ORC4: variants seen among roughly 807,000 people sequenced by gnomAD.
ORC4 encodes the protein origin recognition complex, subunit 4 homolog.
Under a neutral mutation model 63.9 loss-of-function variants are expected in ORC4, and 55 were observed. The ratio of observed to expected loss-of-function variants is 0.86; its 90% CI spans 0.69 to 1.08. The LOEUF (loss-of-function observed/expected upper bound fraction) is 1.08. Ranked by LOEUF, ORC4 falls within the 50% of genes least tolerant of loss-of-function variation. The probability of loss-of-function intolerance (pLI) is 0.00; values close to 1 mark genes in which losing one functional copy is unlikely to be tolerated. For synonymous variants in ORC4, 150 were observed against 168.5 expected (o/e 0.89, Z 0.85); for missense variants, 511 against 504.4 (o/e 1.01, Z -0.13).
intron 1 of ORC4, among the ~76,000 whole-genome samples, chr2:147,997,147 A>G (rs1383727327): frequency 2.6e-5 from 4 of 152,174 alleles, no homozygotes; most frequent in Non-Finnish European, 5.9e-5. Context: ...AGCCAATCTG[A>G]AGAGACTACC....
intron 1 of ORC4, among the ~76,000 whole-genome samples, chr2:148,000,335 G>A (rs1202707363): frequency 3.3e-5 from 5 of 152,052 alleles, no homozygotes; most frequent in South Asian, 2.1e-4. Flanking sequence ...AAATGAGATC[G>A]TATAATCTTC....
At chr2:147,991,564 C>T (rs1691609449) in intron 1 of ORC4, among the ~76,000 whole-genome samples, 1 of 152,042 alleles carries the variant, frequency 6.6e-6, no homozygotes, top group Non-Finnish European at 1.5e-5. Flanking sequence ...CATGGTGGCT[C>T]ACACCTGTAA....
At chr2:148,004,518 G>A (rs1692504901) in intron 1 of ORC4, among the ~76,000 whole-genome samples, 1 of 152,232 alleles carries the variant, frequency 6.6e-6, no homozygotes, top group South Asian at 2.1e-4. Context: ...AATTGGGAAA[G>A]GATTCCCTCC....
At chr2:147,943,820 T>C (rs150444270) in intron 9 of ORC4, among the ~76,000 whole-genome samples, 2 of 152,154 alleles carry the variant, frequency 1.3e-5, no homozygotes, top group African/African-American at 4.8e-5. Flanking sequence ...ACTAGTGAAA[T>C]GAACAAAATG....
chr2:147,983,987 C>A (rs1474289795), intron 1 of ORC4, among the ~76,000 whole-genome samples: 18 of 152,170 alleles, frequency 1.2e-4, no homozygotes, highest in Non-Finnish European at 5.9e-5. Context: ...GACAATCTGG[C>A]AGAACGGTTC....
At chr2:147,957,922 C>T (rs1161598454) in intron 6 of ORC4, among the ~76,000 whole-genome samples, 2 of 152,142 alleles carry the variant, frequency 1.3e-5, no homozygotes, top group African/African-American at 2.4e-5. Context: ...CTACTATACA[C>T]AGGCTACTCA....
chr2:147,936,076 T>C (rs1249644392), intron 13 of ORC4, among the ~76,000 whole-genome samples: 3 of 152,198 alleles, frequency 2.0e-5, no homozygotes, highest in Admixed American at 6.6e-5. Flanking sequence ...ATCAATTCCC[T>C]AGGCTACTCA....
intron 4 of ORC4, among the ~76,000 whole-genome samples, chr2:147,968,363 G>C (rs1347630075): frequency 6.6e-6 from 1 of 151,992 alleles, no homozygotes; most frequent in Non-Finnish European, 1.5e-5. Context: ...ACAATCTACA[G>C]AATAAATGAA....
intron 1 of ORC4, among the ~76,000 whole-genome samples, chr2:148,008,546 C>T (rs928123160): frequency 6.6e-6 from 1 of 152,098 alleles, no homozygotes; most frequent in African/African-American, 2.4e-5. Flanking sequence ...CAACCTTTTT[C>T]GATTACCTAC....
chr2:148,011,737 T>C (rs1692980470), intron 1 of ORC4, among the ~76,000 whole-genome samples: 2 of 152,134 alleles, frequency 1.3e-5, no homozygotes, highest in South Asian at 4.1e-4. Context: ...CAAACGACTA[T>C]TAGAACTAAT....
At position 147,973,445 on chromosome 2, in the gene ORC4, T is replaced by C. The variant is rs752645256; in HGVS notation, c.134+3A>G. The C allele has an allele frequency of 3.2e-6, 5 of 1,576,488 alleles. No individual in the cohort carries two copies. On this transcript the variant is annotated splice_donor_region_variant and intron_variant, in intron 3 of 13. Coordinates refer to ENST00000392857, the MANE Select transcript of ORC4 (RefSeq NM_181741.4). ...TAACAGTCAAGAGGACAGCTAGACTTACTTGTATTGTACTTGCACTCCAAA... is the reference window on the plus strand; with the variant it reads ...TAACAGTCAAGAGGACAGCTAGACTCACTTGTATTGTACTTGCACTCCAAA...
At position 147,973,534 on chromosome 2, in the gene ORC4, A is replaced by G. The variant is rs765466326; in HGVS notation, c.58-10T>C. The G allele has an allele frequency of 7.0e-7, 1 of 1,431,468 alleles. No individual in the cohort carries two copies. The highest frequency in any genetic ancestry group is 1.2e-5 in the South Asian group (1 of 85,628). The allele number at this position is 1,431,468 out of a possible 1,614,324, so 88.7% of individuals were successfully genotyped here. The stretch of plus-strand genomic sequence containing the variant: ...GTAAAATTCTTTGTACCTGATGAAA[A>G]TAAAGTGAATAAATATAAATAAAAA... On this transcript the variant is annotated splice_polypyrimidine_tract_variant and intron_variant, in intron 2 of 13. Coordinates refer to ENST00000392857, the MANE Select transcript of ORC4 (RefSeq NM_181741.4).
rs1687677604 is a variant in ORC4 at position 147,930,806 on chromosome 2, T to TA, written c.*4703dup. 1.3e-5 allele frequency: 2 copies of TA among 151,426 alleles called. No individual in the cohort carries two copies. Among genetic ancestry groups the TA allele is most frequent in the African/African-American group, 4.9e-5 (2 of 41,158 alleles). The allele number at this position is 151,426 out of a possible 1,614,324, so 9.4% of individuals were successfully genotyped here. A position where few individuals can be genotyped will look rare whatever the true frequency, so the allele number is the denominator to read the frequency against. On this transcript the variant is annotated 3_prime_UTR_variant, in exon 14 of 14. Coordinates refer to ENST00000392857, the MANE Select transcript of ORC4 (RefSeq NM_181741.4). ...ATCCCCATTCCATCCCCAAGTTAAATAAAAAAATGAATACGGTATGATTTG... is the reference window on the plus strand; with the variant it reads ...ATCCCCATTCCATCCCCAAGTTAAATAAAAAAAATGAATACGGTATGATTTG...
intron 4 of ORC4, among the ~76,000 whole-genome samples, chr2:147,966,844 C>T (rs562629987): frequency 9.9e-5 from 15 of 152,202 alleles, no homozygotes; most frequent in Non-Finnish European, 2.2e-4. Flanking sequence ...CTTCCTAATT[C>T]GTTCTATGAG....
At chr2:148,000,766 T>C (rs1233733810) in intron 1 of ORC4, among the ~76,000 whole-genome samples, 2 of 152,152 alleles carry the variant, frequency 1.3e-5, no homozygotes, top group African/African-American at 2.4e-5. Context: ...AAGGCTGTTT[T>C]GACAACCAGC....
intron 1 of ORC4, among the ~76,000 whole-genome samples, chr2:147,978,649 G>C (rs1690699296): frequency 6.6e-6 from 1 of 152,136 alleles, no homozygotes; most frequent in Non-Finnish European, 1.5e-5. Flanking sequence ...ATTTTCCCAG[G>C]CCTCTTGGTG....
At chr2:148,021,461 T>G, upstream of ORC4, 2 of 576,288 alleles carry the variant, frequency 3.5e-6, no homozygotes, top group South Asian at 3.0e-5. Flanking sequence ...TTGCTGCTGC[T>G]GTTGCTGCTG....
At chr2:147,964,829 T>C (rs759254029) in intron 4 of ORC4, among the ~76,000 whole-genome samples, 3 of 152,214 alleles carry the variant, frequency 2.0e-5, no homozygotes, top group Non-Finnish European at 2.9e-5. Context: ...TCATCCTTCT[T>C]GTTTACATTT....
chr2:147,935,849 T>A, intron 13 of ORC4, 151 bp from the exon 14 acceptor site: 2 of 649,056 alleles, frequency 3.1e-6, no homozygotes, highest in Non-Finnish European at 2.7e-6. Flanking sequence ...TTAAAAAAAC[T>A]CTCACAACCC....
Sources: allele counts gnomAD v4.1 joint callset (sites outside exome capture counted in the v4.1 genomes callset), GRCh38; gene constraint gnomAD v4.1.1; transcripts MANE v1.5; gene names NCBI Gene and HGNC (gene_info 2026-07-23, HGNC 2026-07-21).